PARD3: variants seen among roughly 807,000 people sequenced by gnomAD.
PARD3 encodes partitioning defective 3 homolog.
Under a neutral mutation model 155.4 loss-of-function variants are expected in PARD3, and 75 were observed. That is an observed-to-expected ratio of 0.48 (90% CI 0.40 to 0.58). PARD3 has a LOEUF of 0.58. Ranked by LOEUF, PARD3 falls within the 20% of genes least tolerant of loss-of-function variation. PARD3 has a pLI of 0.00. For missense variants in PARD3, 1,642 were observed against 1,721.7 expected, an observed-to-expected ratio of 0.95 and a Z score of 0.82; for synonymous variants, 576 against 610.5, an observed-to-expected ratio of 0.94 and a Z score of 0.83.
At chr10:34,384,878 C>T (rs1735159756) in intron 7 of PARD3, among the ~76,000 whole-genome samples, 2 of 152,042 alleles carry the variant, frequency 1.3e-5, no homozygotes, top group African/African-American at 2.4e-5. Flanking sequence ...ACAAATGACC[C>T]AACAGAAAAA....
At chr10:34,544,990 G>A (rs895353316) in intron 2 of PARD3, among the ~76,000 whole-genome samples, 2 of 152,096 alleles carry the variant, frequency 1.3e-5, no homozygotes, top group Non-Finnish European at 2.9e-5. Context: ...TTGAGTTCGT[G>A]CACTCAATAA....
At chr10:34,768,546 G>C (rs1199822205) in intron 1 of PARD3, among the ~76,000 whole-genome samples, 1 of 152,226 alleles carries the variant, frequency 6.6e-6, no homozygotes, top group Non-Finnish European at 1.5e-5. Context: ...ATCTCTGTGA[G>C]CAGAGGGGTG....
At chr10:34,213,487 C>T (rs368141069) in intron 22 of PARD3, among the ~76,000 whole-genome samples, 13 of 152,302 alleles carry the variant, frequency 8.5e-5, no homozygotes, top group Admixed American at 5.2e-4. Context: ...CTAACCACAG[C>T]GCAGATGAAG....
intron 22 of PARD3, among the ~76,000 whole-genome samples, chr10:34,198,737 CCAAA>C (rs938299781): frequency 1.8e-4 from 27 of 151,926 alleles, no homozygotes; most frequent in African/African-American, 6.5e-4. Flanking sequence ...AAAAATTGCC[CCAAA>C]CAGTCAACCC....
chr10:34,433,467 T>C (rs979091873), intron 5 of PARD3, among the ~76,000 whole-genome samples: 2 of 152,208 alleles, frequency 1.3e-5, no homozygotes, highest in African/African-American at 4.8e-5. Context: ...GTTCAGGACA[T>C]TAATACCAAA....
chr10:34,266,441 T>C (rs1452535246), intron 22 of PARD3, among the ~76,000 whole-genome samples: 1 of 152,202 alleles, frequency 6.6e-6, no homozygotes, highest in Non-Finnish European at 1.5e-5. Flanking sequence ...CATCTTATTC[T>C]CTGCAAAAAT....
rs1200204903 is a variant in PARD3, at chr10:34,231,246, G to A, written c.3419+38411C>T. On this transcript the variant is annotated intron_variant, in intron 22 of 24. Transcript: ENST00000374788. Reference sequence around the variant, plus strand: ...TTTTTTCCTTTTGACATACACTAGTGTTATTAATATAATCTTAGGCAAAAA... The same window carrying A: ...TTTTTTCCTTTTGACATACACTAGTATTATTAATATAATCTTAGGCAAAAA... Among the ~76,000 whole-genome samples the A allele has an allele frequency of 3.7e-5, 4 of 107,298 alleles. No individual in the cohort carries two copies. The South Asian group carries it at 9.8e-4, about 26-fold the overall frequency. 70.4% of individuals were successfully genotyped at this position (107,298 alleles called of 152,430 possible).
At chr10:34,432,091 T>C (rs1293178250) in intron 5 of PARD3, among the ~76,000 whole-genome samples, 1 of 106,084 alleles carries the variant, frequency 9.4e-6, no homozygotes, top group Non-Finnish European at 2.0e-5. Flanking sequence ...GAACCCAGAA[T>C]ATCAAGATAA....
chr10:34,778,855 A>G (rs996509767), intron 1 of PARD3, among the ~76,000 whole-genome samples: 1 of 152,244 alleles, frequency 6.6e-6, no homozygotes, highest in South Asian at 2.1e-4. Context: ...CGTTTCCTTA[A>G]CATGAGGTAG....
intron 22 of PARD3, among the ~76,000 whole-genome samples, chr10:34,195,987 C>T (rs1003142772): frequency 3.9e-5 from 6 of 152,208 alleles, no homozygotes; most frequent in African/African-American, 1.4e-4. Context: ...TATGCAGTGC[C>T]TGGGGCACAG....
intron 2 of PARD3, among the ~76,000 whole-genome samples, chr10:34,581,849 A>G (rs1433664010): frequency 6.6e-6 from 1 of 152,182 alleles, no homozygotes; most frequent in Admixed American, 6.5e-5. Flanking sequence ...CAATAACGAT[A>G]TTATGGGCAA....
intron 22 of PARD3, among the ~76,000 whole-genome samples, chr10:34,132,326 C>T (rs945454723): frequency 7.0e-6 from 1 of 143,184 alleles, no homozygotes; most frequent in Admixed American, 7.1e-5. Flanking sequence ...CACCCACCCA[C>T]CCACCCACCT....
Position 34,382,601 on chromosome 10 carries a change from A to T in PARD3, c.1338T>A (p.Thr446=). ...ASAPQNVFST[T]VSSGYNTKKI... ...TTTTGGTGTTATAACCACTGCTTACAGTCGTACTAAATACATTCTGAGGTG... is the reference window on the plus strand; with the variant it reads ...TTTTGGTGTTATAACCACTGCTTACTGTCGTACTAAATACATTCTGAGGTG... Residue 446 remains threonine (T), a synonymous_variant, in exon 9 of 25, where the codon ACT becomes ACA. Transcript: ENST00000374788. The T allele has an allele frequency of 6.2e-7, 1 of 1,613,988 alleles. No homozygotes were observed. Among genetic ancestry groups the T allele is most frequent in the Non-Finnish European group, 8.5e-7 (1 of 1,180,016 alleles).
At chr10:34,335,501 T>A (rs1244985439) in intron 18 of PARD3, among the ~76,000 whole-genome samples, 2 of 152,042 alleles carry the variant, frequency 1.3e-5, no homozygotes, top group Non-Finnish European at 2.9e-5. Flanking sequence ...CTGTGATTAC[T>A]GTCATACAAT....
intron 3 of PARD3, among the ~76,000 whole-genome samples, chr10:34,504,907 G>A (rs145424196): frequency 5.9e-5 from 9 of 152,316 alleles, no homozygotes; most frequent in South Asian, 2.1e-4. Context: ...CAAGTGCAGC[G>A]AGAAGAGGGG....
chr10:34,269,674 T>G lies in PARD3; in HGVS notation c.3402A>C (p.Lys1134Asn), dbSNP rs1210614312. 6.2e-7 allele frequency: 1 copy of G among 1,613,962 alleles called. No homozygotes were observed. The highest frequency in any genetic ancestry group is 1.7e-5 in the Admixed American group (1 of 59,988). ...GCGCCTACCTGTCTACAGGTGAGGG[T>G]TTGGAATTCCGCGGCTTCTTGACTT... ...YAQVKKPRNS[K>N]PSPVDSNRST... The change falls in exon 22 of 25, where the codon AAA (lysine) becomes AAC (asparagine). Residue 1134 changes from lysine to asparagine, a missense_variant. Around this residue, in one of 3 missense-constraint regions of PARD3, gnomAD observed 1,529 missense variants for 1,587.3 expected, o/e 0.96. Coordinates refer to ENST00000374788, the MANE Select transcript of PARD3 (RefSeq NM_001184785.2).
chr10:34,661,875 A>C (rs760483806), intron 2 of PARD3, among the ~76,000 whole-genome samples: 7 of 152,212 alleles, frequency 4.6e-5, no homozygotes, highest in Non-Finnish European at 1.0e-4. Flanking sequence ...AATCAATGTT[A>C]GATAAAGGTT....
intron 22 of PARD3, among the ~76,000 whole-genome samples, chr10:34,203,872 T>C (rs1397753043): frequency 2.0e-5 from 3 of 152,232 alleles, no homozygotes; most frequent in Non-Finnish European, 4.4e-5. Flanking sequence ...AAATAAGGGA[T>C]AATGTGAAGA....
chr10:34,237,112 T>C (rs1483966142), intron 22 of PARD3, among the ~76,000 whole-genome samples: 1 of 152,212 alleles, frequency 6.6e-6, no homozygotes, highest in African/African-American at 2.4e-5. Flanking sequence ...AGAATGAGCA[T>C]GTGTCTGTAA....
Sources: gnomAD v4.1 joint callset for allele counts (sites outside exome capture counted in the v4.1 genomes callset) on GRCh38, gnomAD v4.1.1 for gene constraint, gnomAD v4.1.1 regional missense constraint, MANE v1.5 for transcripts, NCBI Gene and HGNC (gene_info 2026-07-23, HGNC 2026-07-21) for gene names.